Variants in TRNAU1AP observed in about 807,000 individuals in gnomAD.
TRNAU1AP encodes the protein tRNA selenocysteine 1 associated protein 1, also known as tRNA selenocysteine 1-associated protein 1.
In TRNAU1AP, 33 loss-of-function variants were observed where a neutral mutation model predicts 43.3. The observed-to-expected ratio is 0.76, with a 90% CI of 0.58 to 1.02. TRNAU1AP has a LOEUF of 1.02. Among genes scored for constraint, TRNAU1AP ranks in the 50% least tolerant of loss-of-function variants. The pLI is 0.00. For synonymous variants in TRNAU1AP, 143 were observed against 129.1 expected (o/e 1.11, Z -0.73); for missense variants, 290 against 362.7 (o/e 0.80, Z 1.63).
intron 4 of TRNAU1AP, among the ~76,000 whole-genome samples, chr1:28,562,228 T>C (rs1357177328): frequency 6.6e-6 from 1 of 152,242 alleles, no homozygotes; most frequent in African/African-American, 2.4e-5. Flanking sequence ...TTTCAGTATT[T>C]ATTCATGGAC....
chr1:28,560,205 G>C (rs1665375045), intron 2 of TRNAU1AP, among the ~76,000 whole-genome samples: 1 of 151,914 alleles, frequency 6.6e-6, no homozygotes, highest in African/African-American at 2.4e-5. Context: ...GGGTATGGCA[G>C]GGAACAAAAA....
chr1:28,561,142 A>C (rs991266023), intron 3 of TRNAU1AP: 3 of 1,415,510 alleles, frequency 2.1e-6, no homozygotes, highest in Non-Finnish European at 2.8e-6. Context: ...ACCAGCTGGC[A>C]CACCTGGGCT....
intron 2 of TRNAU1AP, among the ~76,000 whole-genome samples, chr1:28,558,857 G>A (rs553574501): frequency 2.0e-5 from 3 of 152,162 alleles, no homozygotes; most frequent in East Asian, 1.9e-4. Context: ...GAGCCACCGC[G>A]CCTGGCGAAA....
chr1:28,559,652 C>T (rs1276556633), intron 2 of TRNAU1AP, among the ~76,000 whole-genome samples: 1 of 151,808 alleles, frequency 6.6e-6, no homozygotes, highest in Non-Finnish European at 1.5e-5. Context: ...AAGAGCAAAA[C>T]TCGGTCTCAG....
At chr1:28,567,443 C>A in intron 6 of TRNAU1AP, 30 bp downstream of exon 6, 2 of 1,571,944 alleles carry the variant, frequency 1.3e-6, no homozygotes, top group Non-Finnish European at 1.7e-6. Flanking sequence ...TAGAGAGACT[C>A]TAGACTCCCC....
At chr1:28,574,976 G>A (rs994401957) in intron 8 of TRNAU1AP, among the ~76,000 whole-genome samples, 4 of 152,060 alleles carry the variant, frequency 2.6e-5, no homozygotes, top group Non-Finnish European at 4.4e-5. Flanking sequence ...CTAGTGGCTC[G>A]GAAAGCCCAA....
At chr1:28,553,541 G>T (rs1665182641) in intron 1 of TRNAU1AP, 99 bp from the exon 2 acceptor site, 1 of 1,147,878 alleles carries the variant, frequency 8.7e-7, no homozygotes, top group Non-Finnish European at 1.3e-6. Context: ...CTCCCCCAGC[G>T]GCGCGTAGCC....
Position 28,577,738 on chromosome 1 carries a change from A to G in TRNAU1AP, c.*102A>G. 5 of 1,284,268 alleles carry G rather than the reference A, an allele frequency of 3.9e-6. No homozygotes were observed. Among genetic ancestry groups the G allele is most frequent in the Non-Finnish European group, 5.4e-6 (5 of 924,566 alleles). 79.6% of individuals were successfully genotyped at this position (1,284,268 alleles called of 1,614,324 possible). A position where few individuals can be genotyped will look rare whatever the true frequency, so the allele number is the denominator to read the frequency against. On this transcript the variant is annotated 3_prime_UTR_variant, in exon 9 of 9. Transcript: ENST00000373830. ...TGGAAATATGATTTGTAAGATTTTA[A>G]TAATGACTGTTTTTGGAGATCATGA...
At position 28,553,097 on chromosome 1, in the gene TRNAU1AP, C is replaced by A; in HGVS notation, c.-14C>A. 6.6e-7 allele frequency: 1 copy of A among 1,525,426 alleles called. No individual in the cohort carries two copies. The highest frequency in any genetic ancestry group is 8.8e-7 in the Non-Finnish European group (1 of 1,135,444). The allele number at this position is 1,525,426 out of a possible 1,614,324, so 94.5% of individuals were successfully genotyped here. A position where few individuals can be genotyped will look rare whatever the true frequency, so the allele number is the denominator to read the frequency against. ...CAGAGCCCCGCCCGCAAAGCCCCAC[C>A]CCGGTGCGCGGGTATGGCGGCCAGC... On this transcript the variant is annotated 5_prime_UTR_variant, in exon 1 of 9. Transcript: ENST00000373830.
chr1:28,553,922 G>C (rs1013972570), intron 2 of TRNAU1AP, 185 bp downstream of exon 2: 1 of 576,372 alleles, frequency 1.7e-6, no homozygotes, highest in African/African-American at 1.9e-5. Flanking sequence ...GACTTGCCAG[G>C]CGTTGTGACT....
At chr1:28,573,500 C>T (rs950488510) in intron 8 of TRNAU1AP, among the ~76,000 whole-genome samples, 3 of 151,862 alleles carry the variant, frequency 2.0e-5, no homozygotes, top group Admixed American at 2.0e-4. Flanking sequence ...TTGCCAGGCG[C>T]GGTGGCTCAC....
At chr1:28,557,787 C>A (rs1665301293) in intron 2 of TRNAU1AP, among the ~76,000 whole-genome samples, 1 of 151,946 alleles carries the variant, frequency 6.6e-6, no homozygotes, top group Admixed American at 6.6e-5. Context: ...CAGGTTTTCA[C>A]CATGTTGGCC....
Position 28,571,916 on chromosome 1 carries a change from T to G in TRNAU1AP, c.727+16T>G. On this transcript the variant is annotated intron_variant, in intron 8 of 8. Transcript: ENST00000373830. ...GCATTGGAAGGTAAGGGTTCATACG[T>G]TCCTTACTCTGTCAGCCATTATCAG... 1 of 1,609,994 alleles carries G rather than the reference T, an allele frequency of 6.2e-7. No homozygotes were observed. Among genetic ancestry groups the G allele is most frequent in the African/African-American group, 1.3e-5 (1 of 74,950 alleles).
At chr1:28,561,315 TG>T in intron 3 of TRNAU1AP, 30 bp from the exon 4 acceptor site, 1 of 1,613,836 alleles carries the variant, frequency 6.2e-7, no homozygotes, top group Non-Finnish European at 8.5e-7. Context: ...CACCTTTCTC[TG>T]TTTTAGTTTG....
chr1:28,563,784 A>AGAGGTTGCAGTGAGCC (rs1665473540), intron 4 of TRNAU1AP, among the ~76,000 whole-genome samples: 1 of 152,096 alleles, frequency 6.6e-6, no homozygotes, highest in Admixed American at 6.6e-5. Flanking sequence ...CCCAGAAGGC[A>AGAGGTTGCAGTGAGCC]GAGGTTGCAG....
At chr1:28,566,531 T>C (rs1233266750) in intron 5 of TRNAU1AP, among the ~76,000 whole-genome samples, 1 of 151,550 alleles carries the variant, frequency 6.6e-6, no homozygotes, top group Non-Finnish European at 1.5e-5. Context: ...GGCGGGTGGA[T>C]CATGAGGTCA....
At chr1:28,553,394 A>G (rs548411065) in intron 1 of TRNAU1AP, 111 of 626,372 alleles carry the variant, frequency 1.8e-4, no homozygotes, top group African/African-American at 1.7e-3. Flanking sequence ...GGAGCAATCC[A>G]AGGACTGAGG....
At chr1:28,556,069 G>A (rs372274566) in intron 2 of TRNAU1AP, among the ~76,000 whole-genome samples, 118 of 152,162 alleles carry the variant, frequency 7.8e-4, no homozygotes, top group African/African-American at 2.6e-3. Flanking sequence ...TAGCCAGATG[G>A]TCTCAATCTC....
intron 2 of TRNAU1AP, among the ~76,000 whole-genome samples, chr1:28,554,439 G>A (rs1665208507): frequency 6.6e-6 from 1 of 152,230 alleles, no homozygotes; most frequent in Non-Finnish European, 1.5e-5. Flanking sequence ...AGTATAGTCA[G>A]ATTACGATCT....
Sources: gnomAD v4.1 joint callset for allele counts (sites outside exome capture counted in the v4.1 genomes callset) on GRCh38, gnomAD v4.1.1 for gene constraint, MANE v1.5 for transcripts, NCBI Gene and HGNC (gene_info 2026-07-23, HGNC 2026-07-21) for gene names.